HACD3: variants seen among roughly 807,000 people sequenced by gnomAD.
The protein encoded by HACD3 is 3-hydroxyacyl-CoA dehydratase 3, also known as very-long-chain (3R)-3-hydroxyacyl-CoA dehydratase 3.
A neutral mutation model predicts 55.2 loss-of-function variants in HACD3; 30 were observed. That is an observed-to-expected ratio of 0.54 (90% CI 0.41 to 0.74). The LOEUF is 0.74. Among genes scored for constraint, HACD3 ranks in the 30% least tolerant of loss-of-function variants. HACD3 has a pLI of 0.00. For synonymous variants in HACD3, 141 were observed against 151.7 expected (o/e 0.93, Z 0.52); for missense variants, 363 against 440.1 (o/e 0.82, Z 1.57).
Position 65,530,672 on chromosome 15 carries a change from A to C in HACD3, c.41A>C (p.Gln14Pro). The C allele has an allele frequency of 6.3e-7, 1 of 1,582,358 alleles. No individual in the cohort carries two copies. The highest frequency in any genetic ancestry group is 8.6e-7 in the Non-Finnish European group (1 of 1,165,400). ...TTGACGCCGCATGTCTACTGGGCTC[A>C]GCGACACCGCGAGCTATATCTGCGC... ...QVLTPHVYWA[Q>P]RHRELYLRVE... Residue 14 changes from glutamine to proline, a missense_variant, in exon 1 of 11, where the codon CAG (glutamine) becomes CCG (proline). Gln to Pro is a moderately conservative substitution (Grantham distance 76, BLOSUM62 -1). Transcript: ENST00000261875.
rs117475998 is a variant in HACD3, at chr15:65,573,864, G to C, written c.1012+1498G>C. On this transcript the variant is annotated intron_variant, in intron 10 of 10. Coordinates refer to ENST00000261875, the MANE Select transcript of HACD3 (RefSeq NM_016395.4). ...ATTTTGTCATTAAATATATTTGAGA[G>C]GAGAAAACACTGATTATCATACATA... 1.2e-4 allele frequency among the ~76,000 whole-genome samples: 18 copies of C among 152,190 alleles called. No homozygotes were observed. The East Asian group carries it at 3.1e-3, about 26-fold the overall frequency.
intron 5 of HACD3, among the ~76,000 whole-genome samples, chr15:65,562,454 C>A (rs906516238): frequency 2.0e-5 from 3 of 152,192 alleles, no homozygotes; most frequent in African/African-American, 7.2e-5. Flanking sequence ...TGCCGAAAAC[C>A]TATATATACA....
chr15:65,570,938 A>G (rs951586614), intron 8 of HACD3, among the ~76,000 whole-genome samples: 3 of 152,218 alleles, frequency 2.0e-5, no homozygotes, highest in South Asian at 2.1e-4. Flanking sequence ...GCCTTAATAC[A>G]AAGGTAAAAC....
intron 7 of HACD3, among the ~76,000 whole-genome samples, chr15:65,569,471 A>G (rs553958576): frequency 3.2e-4 from 48 of 152,280 alleles, no homozygotes; most frequent in African/African-American, 1.1e-3. Flanking sequence ...GCACTCTGGG[A>G]GGCTGACGCA....
chr15:65,535,833 A>T, intron 1 of HACD3: 1 of 610,696 alleles, frequency 1.6e-6, no homozygotes, highest in Non-Finnish European at 3.0e-6. Context: ...GTAGGACTAC[A>T]GGTACCTGCC....
At chr15:65,530,906 C>A in intron 1 of HACD3, 188 bp downstream of exon 1, 1 of 579,998 alleles carries the variant, frequency 1.7e-6, no homozygotes, top group Non-Finnish European at 2.9e-6. Flanking sequence ...GCCGGGGGCA[C>A]AACCCCCCGA....
Position 65,556,755 on chromosome 15 carries a change from C to G in HACD3, c.221C>G (p.Thr74Ser), listed in dbSNP as rs2072195256. 2 of 1,609,416 alleles carry G rather than the reference C, an allele frequency of 1.2e-6. No homozygotes were observed. Among genetic ancestry groups the G allele is most frequent in the Non-Finnish European group, 1.7e-6 (2 of 1,177,224 alleles). Residue 74 changes from threonine to serine, a missense_variant, in exon 4 of 11, where the codon ACC becomes AGC. Thr to Ser is a moderately conservative substitution (Grantham distance 58). Transcript: ENST00000261875. The stretch of plus-strand genomic sequence containing the variant: ...CTCTCCTAGCCTGTTTACAAACTGA[C>G]CCAGAGGCAGGTAAACATTACAGTA... ...LVKPEPVYKL[T>S]QRQVNITVQK...
At chr15:65,564,512 C>A in intron 7 of HACD3, 170 bp downstream of exon 7, 1 of 855,338 alleles carries the variant, frequency 1.2e-6, no homozygotes, top group Non-Finnish European at 1.7e-6. Context: ...CTGGGAAGGT[C>A]TCACGATCAT....
At chr15:65,530,850 G>C in intron 1 of HACD3, 132 bp downstream of exon 1, 1 of 865,782 alleles carries the variant, frequency 1.2e-6, no homozygotes, top group South Asian at 1.9e-5. Context: ...GACGCGGTGC[G>C]CTTACGGCGT....
In HACD3 at chr15:65,530,492, G is replaced by T. The variant is rs893372724; in HGVS notation, c.-140G>T. 27 of 675,584 alleles carry T rather than the reference G, an allele frequency of 4.0e-5. No individual in the cohort carries two copies. Among genetic ancestry groups the T allele is most frequent in the African/African-American group, 9.6e-5 (5 of 52,198 alleles). 41.8% of individuals were successfully genotyped at this position (675,584 alleles called of 1,614,324 possible). A position where few individuals can be genotyped will look rare whatever the true frequency, so the allele number is the denominator to read the frequency against. On this transcript the variant is annotated 5_prime_UTR_variant, in exon 1 of 11. Coordinates refer to ENST00000261875, the MANE Select transcript of HACD3 (RefSeq NM_016395.4). The stretch of plus-strand genomic sequence containing the variant: ...CTGCGCAGGCGCGGCCCGCGAGCGT[G>T]GGGTATCTCGAGGTGCCGGGTTGCA...
intron 6 of HACD3, among the ~76,000 whole-genome samples, chr15:65,563,490 A>G (rs2072262478): frequency 6.6e-6 from 1 of 152,150 alleles, no homozygotes; most frequent in African/African-American, 2.4e-5. Flanking sequence ...GATTAATGGG[A>G]GAGGATTTTT....
At chr15:65,541,085 CA>C (rs1567331539) in intron 1 of HACD3, among the ~76,000 whole-genome samples, 1 of 152,122 alleles carries the variant, frequency 6.6e-6, no homozygotes, top group African/African-American at 2.4e-5. Flanking sequence ...GGGCCAAAAT[CA>C]AGAGTCCCCT....
In HACD3 at chr15:65,571,571, G is replaced by T. The variant is rs1486376489; in HGVS notation, c.797G>T (p.Cys266Phe). Residue 266 changes from cysteine (C) to phenylalanine (F), a missense_variant, in exon 9 of 11, where the codon TGC (cysteine) becomes TTC (phenylalanine). Cys to Phe is a radical substitution (Grantham distance 205). Coordinates refer to ENST00000261875, the MANE Select transcript of HACD3 (RefSeq NM_016395.4). The stretch of plus-strand genomic sequence containing the variant: ...AGGTACTCTTTCTACATGCTGACGT[G>T]CATTGACATGGATTGGAAGGTGCTC... Reference protein sequence around the residue: ...IFRYSFYMLTCIDMDWKVLTW... With the variant: ...IFRYSFYMLTFIDMDWKVLTW... 2 of 1,613,572 alleles carry T rather than the reference G, an allele frequency of 1.2e-6. No individual in the cohort carries two copies. Among genetic ancestry groups the T allele is most frequent in the Admixed American group, 3.3e-5 (2 of 60,008 alleles).
intron 9 of HACD3, 109 bp downstream of exon 9, chr15:65,571,763 A>C: frequency 1.2e-6 from 1 of 844,710 alleles, no homozygotes; most frequent in East Asian, 2.7e-5. Context: ...GAAATGTTGG[A>C]TTTTTCAGGG....
chr15:65,532,021 A>G (rs1287456730), intron 1 of HACD3, among the ~76,000 whole-genome samples: 1 of 152,052 alleles, frequency 6.6e-6, no homozygotes, highest in African/African-American at 2.4e-5. Flanking sequence ...GTGCTTTCTG[A>G]GTGTCGACTT....
intron 1 of HACD3, among the ~76,000 whole-genome samples, chr15:65,546,336 T>C (rs904468100): frequency 6.6e-6 from 1 of 152,112 alleles, no homozygotes; most frequent in African/African-American, 2.4e-5. Context: ...TATGGAATTA[T>C]TGTTCTTAGG....
At chr15:65,554,243 C>T (rs1356127535) in intron 2 of HACD3, among the ~76,000 whole-genome samples, 2 of 152,152 alleles carry the variant, frequency 1.3e-5, no homozygotes, top group Non-Finnish European at 1.5e-5. Flanking sequence ...GCTCCTTTGG[C>T]ATTGCTTTCT....
At chr15:65,564,094 G>C in intron 6 of HACD3, 121 bp from the exon 7 acceptor site, 2 of 1,255,324 alleles carry the variant, frequency 1.6e-6, no homozygotes, top group Non-Finnish European at 2.3e-6. Context: ...ACTTGAATCT[G>C]ACTGGATGTT....
At chr15:65,567,369 A>G (rs2072302342) in intron 7 of HACD3, among the ~76,000 whole-genome samples, 1 of 152,198 alleles carries the variant, frequency 6.6e-6, no homozygotes, top group South Asian at 2.1e-4. Flanking sequence ...GTTGTAGATT[A>G]GACATAGCTG....
Sources: allele counts gnomAD v4.1 joint callset (sites outside exome capture counted in the v4.1 genomes callset), GRCh38; gene constraint gnomAD v4.1.1; transcripts MANE v1.5; gene names NCBI Gene and HGNC (gene_info 2026-07-23, HGNC 2026-07-21).